Variants in PRR16 observed in about 807,000 individuals in gnomAD.
The protein encoded by PRR16 is protein Largen.
In PRR16, 6 loss-of-function variants were observed where a neutral mutation model predicts 18.2. That is an observed-to-expected ratio of 0.33 (90% CI 0.18 to 0.65). The LOEUF (loss-of-function observed/expected upper bound fraction) is 0.65. PRR16 is among the 30% of genes least tolerant of loss of function. PRR16 has a pLI of 0.74. For missense variants in PRR16, 412 were observed against 376.6 expected, an observed-to-expected ratio of 1.09 and a Z score of -0.78; for synonymous variants, 151 against 147.8, an observed-to-expected ratio of 1.02 and a Z score of -0.16.
At chr5:120,764,213 A>T in the PRR16 span, among the ~76,000 whole-genome samples, 4 of 152,070 alleles carry the variant, frequency 2.6e-5, no homozygotes, top group African/African-American at 9.6e-5. Flanking sequence ...CATGGCCTTT[A>T]TTATGTTGAA....
chr5:120,526,145 T>G (rs1185195425), intron 1 of PRR16, among the ~76,000 whole-genome samples: 1 of 152,200 alleles, frequency 6.6e-6, no homozygotes, highest in South Asian at 2.1e-4. Context: ...AGCTGCAGAG[T>G]TGAAAAACTC....
chr5:120,771,336 C>A, the PRR16 span, among the ~76,000 whole-genome samples: 1 of 152,024 alleles, frequency 6.6e-6, no homozygotes, highest in African/African-American at 2.4e-5. Flanking sequence ...GCATTAGCAA[C>A]AACCCAAACA....
chr5:120,741,348 C>A, the PRR16 span, among the ~76,000 whole-genome samples: 4 of 151,960 alleles, frequency 2.6e-5, no homozygotes, highest in Non-Finnish European at 4.4e-5. Context: ...ATTGCAGGCA[C>A]CTGCTACTCA....
At chr5:120,668,165 T>G (rs1264394390) in intron 1 of PRR16, among the ~76,000 whole-genome samples, 1 of 151,556 alleles carries the variant, frequency 6.6e-6, no homozygotes, top group Non-Finnish European at 1.5e-5. Context: ...ATATTTAGGA[T>G]AGTTAGCTCT....
chr5:120,677,042 C>G (rs1035657153), intron 1 of PRR16, among the ~76,000 whole-genome samples: 2 of 151,986 alleles, frequency 1.3e-5, no homozygotes, highest in African/African-American at 4.8e-5. Context: ...ATAATTTTAC[C>G]TTTCAGAAGA....
At chr5:120,768,217 C>G in the PRR16 span, among the ~76,000 whole-genome samples, 160 of 151,878 alleles carry the variant, frequency 1.1e-3, no homozygotes, top group African/African-American at 3.6e-3. Flanking sequence ...TCTTAATTTT[C>G]CCTTATTCTT....
chr5:120,482,665 T>G (rs1176962368), intron 1 of PRR16, among the ~76,000 whole-genome samples: 11 of 152,112 alleles, frequency 7.2e-5, no homozygotes, highest in Admixed American at 7.2e-4. Context: ...ATTGCTGGGT[T>G]TAATGGTATT....
chr5:120,786,220 G>A, the PRR16 span, among the ~76,000 whole-genome samples: 1 of 150,600 alleles, frequency 6.6e-6, no homozygotes, highest in Non-Finnish European at 1.5e-5. Flanking sequence ...GTGAATAGAG[G>A]GATAGCAAAA....
chr5:120,614,452 G>A (rs1016159553), intron 1 of PRR16, among the ~76,000 whole-genome samples: 2 of 152,144 alleles, frequency 1.3e-5, no homozygotes, highest in Non-Finnish European at 2.9e-5. Context: ...TTTTCCAATG[G>A]CCAATGCCAA....
At chr5:120,734,533 C>G in the PRR16 span, among the ~76,000 whole-genome samples, 1 of 118,290 alleles carries the variant, frequency 8.5e-6, no homozygotes, top group Non-Finnish European at 1.8e-5. Context: ...AGTAAGAATG[C>G]TAACCCGGCT....
chr5:120,727,184 A>G, the PRR16 span, among the ~76,000 whole-genome samples: 1 of 151,646 alleles, frequency 6.6e-6, no homozygotes, highest in South Asian at 2.1e-4. Context: ...TTGTGTCTCA[A>G]GTTTTGTTTT....
intron 1 of PRR16, among the ~76,000 whole-genome samples, chr5:120,542,967 T>C (rs1751962564): frequency 6.6e-6 from 1 of 152,208 alleles, no homozygotes; most frequent in South Asian, 2.1e-4. Context: ...GGAAACTATT[T>C]GATGACTTTT....
At chr5:120,560,979 T>C (rs1752556646) in intron 1 of PRR16, among the ~76,000 whole-genome samples, 1 of 152,094 alleles carries the variant, frequency 6.6e-6, no homozygotes, top group Admixed American at 6.6e-5. Flanking sequence ...AATGTCTCCT[T>C]TTTTATTTTT....
In PRR16 at chr5:120,618,365, A is replaced by C. The variant is rs114003446; in HGVS notation, c.160-67589A>C. ...CATTAAATAAAATTTCTATATTAGC[A>C]TATAGTGATTTTAAGAATGTAATAA... On this transcript the variant is annotated intron_variant, in intron 1 of 1. Coordinates refer to ENST00000407149, the MANE Select transcript of PRR16 (RefSeq NM_001300783.2). The C allele has an allele frequency of 1.3e-3, 793 of 613,106 alleles. 3 individuals carry two copies. In the African/African-American group the frequency reaches 0.015, roughly 12 times the overall value. 38.0% of individuals were successfully genotyped at this position (613,106 alleles called of 1,614,324 possible). A position where few individuals can be genotyped will look rare whatever the true frequency, so the allele number is the denominator to read the frequency against.
At chr5:120,786,119 C>T in the PRR16 span, among the ~76,000 whole-genome samples, 4 of 147,964 alleles carry the variant, frequency 2.7e-5, no homozygotes, top group Non-Finnish European at 6.0e-5. Context: ...GGGTTAAATG[C>T]ATACCTGTTA....
At chr5:120,537,599 A>T (rs1030522017) in intron 1 of PRR16, among the ~76,000 whole-genome samples, 1 of 132,242 alleles carries the variant, frequency 7.6e-6, no homozygotes, top group African/African-American at 2.8e-5. Context: ...AAGCTAAATG[A>T]GCTGTATTTG....
intron 1 of PRR16, among the ~76,000 whole-genome samples, chr5:120,586,784 C>T (rs1753459351): frequency 6.6e-6 from 1 of 152,202 alleles, no homozygotes; most frequent in East Asian, 1.9e-4. Context: ...CAGTTAGTAA[C>T]CCTGCAATGA....
At chr5:120,610,368 T>A (rs1768639341) in intron 1 of PRR16, among the ~76,000 whole-genome samples, 1 of 150,438 alleles carries the variant, frequency 6.6e-6, no homozygotes, top group Non-Finnish European at 1.5e-5. Flanking sequence ...ATAAAGTGTA[T>A]TTATTAAATA....
At chr5:120,534,772 A>G (rs551957925) in intron 1 of PRR16, among the ~76,000 whole-genome samples, 8 of 152,266 alleles carry the variant, frequency 5.3e-5, no homozygotes, top group South Asian at 4.1e-4. Context: ...TGTTGCCTCT[A>G]TGTATTTAGA....
Sources: allele counts gnomAD v4.1 joint callset (sites outside exome capture counted in the v4.1 genomes callset), GRCh38; gene constraint gnomAD v4.1.1; transcripts MANE v1.5; gene names NCBI Gene and HGNC (gene_info 2026-07-23, HGNC 2026-07-21).